Variants in PLCE1 observed in about 807,000 individuals in gnomAD.
PLCE1 encodes phospholipase C epsilon 1.
In PLCE1, 119 loss-of-function variants were observed where a neutral mutation model predicts 242.8. The ratio of observed to expected loss-of-function variants is 0.49; its 90% CI spans 0.42 to 0.57. PLCE1 has a LOEUF of 0.57. PLCE1 is among the 20% of genes least tolerant of loss of function. PLCE1 has a pLI of 0.00. For missense variants in PLCE1, 2,441 were observed against 2,788.8 expected (o/e 0.88, Z 2.81); for synonymous variants, 945 against 1,017.4 (o/e 0.93, Z 1.35).
intron 4 of PLCE1, among the ~76,000 whole-genome samples, chr10:94,220,381 TA>T (rs1564800292): frequency 2.9e-5 from 1 of 34,876 alleles, no homozygotes; most frequent in African/African-American, 9.6e-5. Context: ...ACATTTTATA[TA>T]TATATATATA....
chr10:94,262,392 A>G, intron 13 of PLCE1, 102 bp from the exon 14 acceptor site: 1 of 827,646 alleles, frequency 1.2e-6, no homozygotes, highest in Non-Finnish European at 2.2e-6. Context: ...TACATTAGTA[A>G]AGAGCTTCTC....
At chr10:94,293,405 A>C in intron 22 of PLCE1, 103 bp from the exon 23 acceptor site, 1 of 1,290,900 alleles carries the variant, frequency 7.7e-7, no homozygotes, top group Non-Finnish European at 1.1e-6. Context: ...ACTAGGTTCC[A>C]AGGGAGTAGT....
chr10:94,161,916 T>A (rs1484699203), intron 3 of PLCE1, among the ~76,000 whole-genome samples: 1 of 152,324 alleles, frequency 6.6e-6, no homozygotes, highest in Admixed American at 6.5e-5. Flanking sequence ...GAGATAATCA[T>A]GTGGTTTTTG....
At chr10:94,066,568 C>G (rs1017224386) in intron 2 of PLCE1, among the ~76,000 whole-genome samples, 9 of 152,254 alleles carry the variant, frequency 5.9e-5, no homozygotes, top group African/African-American at 1.9e-4. Context: ...CCATGCCCTT[C>G]TGTGCGTTAG....
Position 94,332,399 on chromosome 10 carries a change from C to T in PLCE1, c.*4456C>T, listed in dbSNP as rs2054170169. On this transcript the variant is annotated 3_prime_UTR_variant, in exon 33 of 33. Transcript: ENST00000371380. ...TACACCCATTATTTCCCACCCCACT[C>T]TTAAGTGCCAGCATAGTGCTAAACA... The T allele has an allele frequency of 6.6e-6, 1 of 152,116 alleles. No homozygotes were observed. The highest frequency in any genetic ancestry group is 1.5e-5 in the Non-Finnish European group (1 of 68,024). The allele number at this position is 152,116 out of a possible 1,614,324, so 9.4% of individuals were successfully genotyped here. A position where few individuals can be genotyped will look rare whatever the true frequency, so the allele number is the denominator to read the frequency against.
At chr10:94,273,447 G>A in intron 18 of PLCE1, 115 bp from the exon 19 acceptor site, 1 of 1,049,546 alleles carries the variant, frequency 9.5e-7, no homozygotes, top group Non-Finnish European at 1.4e-6. Flanking sequence ...CTCTTCCTAA[G>A]ACTTTTTAAA....
At chr10:94,162,464 C>T (rs1035026115) in intron 3 of PLCE1, among the ~76,000 whole-genome samples, 2 of 152,180 alleles carry the variant, frequency 1.3e-5, no homozygotes, top group South Asian at 2.1e-4. Flanking sequence ...ATAGTATTCT[C>T]TGATGGTAGT....
At position 94,203,976 on chromosome 10, in the gene PLCE1, G is replaced by A. The variant is rs1428490886; in HGVS notation, c.1810-23330G>A. 3.3e-5 allele frequency among the ~76,000 whole-genome samples: 5 copies of A among 152,240 alleles called. No homozygotes were observed. The Middle Eastern group carries it at 0.01, about 311-fold the overall frequency. ...TGGCTGATAGCAAAGGCAACCTCTT[G>A]GGGCCTTATTTTCCTTACCTATAAA... On this transcript the variant is annotated intron_variant, in intron 4 of 32. Transcript: ENST00000371380.
intron 5 of PLCE1, among the ~76,000 whole-genome samples, chr10:94,232,791 A>G (rs2050189245): frequency 1.3e-5 from 2 of 152,148 alleles, no homozygotes; most frequent in Admixed American, 6.5e-5. Flanking sequence ...AATAGTCAGC[A>G]TGTTGCCCTC....
intron 19 of PLCE1, among the ~76,000 whole-genome samples, chr10:94,277,437 T>C (rs1032648550): frequency 6.6e-6 from 1 of 152,286 alleles, no homozygotes; most frequent in East Asian, 1.9e-4. Flanking sequence ...GGATATTGCA[T>C]AGAAGGGTCC....
At chr10:94,017,846 G>C (rs141580909) in intron 1 of PLCE1, among the ~76,000 whole-genome samples, 7 of 152,116 alleles carry the variant, frequency 4.6e-5, no homozygotes, top group Non-Finnish European at 5.9e-5. Flanking sequence ...CAGATATGAG[G>C]GGATCATCAG....
rs755746574 is a variant in PLCE1, at chr10:94,298,503, C to A, written c.5292C>A (p.Ala1764=). ...CYHISSLNEN[A]AKRLCRRYSQ... ...ATATCTCGTCGCTGAATGAAAATGC[C>A]GCCAAACGTCTGTGTCGCAGGTATT... The change falls in exon 24 of 33, where the codon GCC becomes GCA. Residue 1764 remains alanine, a synonymous_variant. Transcript: ENST00000371380. This position sits in a 1 kb window ranked among gnomAD's most constrained non-coding sequence, Gnocchi z 5.2. 3 of 1,614,000 alleles carry A rather than the reference C, an allele frequency of 1.9e-6. No homozygotes were observed. In the Admixed American group the frequency reaches 5.0e-5, roughly 27 times the overall value.
rs768154699 is a variant in PLCE1, at chr10:94,316,791, A to G, written c.6342+35A>G. On this transcript the variant is annotated intron_variant, in intron 29 of 32. Coordinates refer to ENST00000371380, the MANE Select transcript of PLCE1 (RefSeq NM_016341.4). ...TCTGGGTGCAGCCTACACAGTAACG[A>G]CTCATTATGTGATTAGCCATTTACC... 8 of 1,476,350 alleles carry G rather than the reference A, an allele frequency of 5.4e-6. No individual in the cohort carries two copies. The South Asian group carries it at 7.9e-5, about 15-fold the overall frequency. 91.5% of individuals were successfully genotyped at this position (1,476,350 alleles called of 1,614,324 possible).
chr10:94,316,322 T>C (rs1480653204), intron 28 of PLCE1, among the ~76,000 whole-genome samples: 2 of 152,212 alleles, frequency 1.3e-5, no homozygotes, highest in Non-Finnish European at 2.9e-5. Context: ...GAAAAAATAG[T>C]TATGCTGTCT....
intron 11 of PLCE1, among the ~76,000 whole-genome samples, chr10:94,255,915 C>CACTCTCTCTCTCTG (rs869031607): frequency 1.4e-4 from 5 of 35,516 alleles, no homozygotes; most frequent in Non-Finnish European, 2.8e-4. Flanking sequence ...CACACACACA[C>CACTCTCTCTCTCTG]TCTCTCTCTC....
intron 2 of PLCE1, among the ~76,000 whole-genome samples, chr10:94,115,284 G>A (rs1354952884): frequency 3.9e-5 from 6 of 152,200 alleles, no homozygotes; most frequent in Admixed American, 1.3e-4. Flanking sequence ...TATATACCCA[G>A]TAATGGGATG....
At chr10:94,313,511 T>C (rs1156721141) in intron 28 of PLCE1, 129 bp downstream of exon 28, 10 of 1,017,796 alleles carry the variant, frequency 9.8e-6, no homozygotes, top group African/African-American at 1.6e-5. Context: ...GTGGATGATA[T>C]GCCTTTTGAT....
At chr10:94,263,230 T>C (rs2051376009) in intron 14 of PLCE1, among the ~76,000 whole-genome samples, 1 of 151,358 alleles carries the variant, frequency 6.6e-6, no homozygotes, top group South Asian at 2.1e-4. Context: ...ATACCAAGTA[T>C]GGGCTGGGTG....
intron 23 of PLCE1, among the ~76,000 whole-genome samples, chr10:94,297,470 G>C (rs1265671808): frequency 6.6e-6 from 1 of 151,398 alleles, no homozygotes; most frequent in Non-Finnish European, 1.5e-5. Context: ...ATGTTTAAAA[G>C]CTTGAAATGT....
Sources: gnomAD v4.1 joint callset for allele counts (sites outside exome capture counted in the v4.1 genomes callset) on GRCh38, gnomAD v4.1.1 for gene constraint, Gnocchi (gnomAD v3.1) non-coding constraint, MANE v1.5 for transcripts, NCBI Gene and HGNC (gene_info 2026-07-23, HGNC 2026-07-21) for gene names.